The following DIP2C variants were observed in gnomAD, a reference collection of about 807,000 sequenced individuals.
DIP2C encodes the protein DIP2 acetate--CoA ligase C (putative).
In DIP2C, 33 loss-of-function variants were observed where a neutral mutation model predicts 192.4. The observed-to-expected ratio is 0.17, with a 90% CI of 0.13 to 0.23. The LOEUF (loss-of-function observed/expected upper bound fraction) is 0.23, where lower values mean the gene tolerates loss of function less well. DIP2C is among the 10% of genes least tolerant of loss of function. The probability of loss-of-function intolerance (pLI) is 1.00; values close to 1 mark genes in which losing one functional copy is unlikely to be tolerated. For missense variants in DIP2C, 1,537 were observed against 2,110.1 expected (o/e 0.73, Z 5.32); for synonymous variants, 979 against 864.1 (o/e 1.13, Z -2.33).
In DIP2C at chr10:535,788, G is replaced by A. The variant is rs1470683577; in HGVS notation, c.86-49258C>T. Among the ~76,000 whole-genome samples, 3 of 152,196 alleles carry A rather than the reference G, an allele frequency of 2.0e-5. No individual in the cohort carries two copies. The East Asian group carries it at 5.8e-4, about 29-fold the overall frequency. On this transcript the variant is annotated intron_variant, in intron 1 of 36. Coordinates refer to ENST00000280886, the MANE Select transcript of DIP2C (RefSeq NM_014974.3). ...AGGGAGCCTATAGGTTTGGTTCAAA[G>A]AATTATTGGTGTTAACTCCAGGAAA...
In DIP2C at chr10:417,728, G is replaced by GTCAGGGCGCGGACAGGCCTCCCTGTCCA. The variant is rs1564685029; in HGVS notation, c.739+1336_739+1337insTGGACAGGGAGGCCTGTCCGCGCCCTGA. Among the ~76,000 whole-genome samples the GTCAGGGCGCGGACAGGCCTCCCTGTCCA allele has an allele frequency of 1.8e-5, 2 of 109,712 alleles. 1 individual carries two copies. The highest frequency in any genetic ancestry group is 3.8e-5 in the Non-Finnish European group (2 of 52,262). 72.0% of individuals were successfully genotyped at this position (109,712 alleles called of 152,430 possible). On this transcript the variant is annotated intron_variant, in intron 6 of 36. Transcript: ENST00000280886. The stretch of plus-strand genomic sequence containing the variant: ...TCGGCTCAAATAGGCCTCCCTGTCT[G>GTCAGGGCGCGGACAGGCCTCCCTGTCCA]CCTGCGCCTGTCAGGGCTCGGATAG...
chr10:286,639 T>C (rs1484918781), intron 33 of DIP2C, among the ~76,000 whole-genome samples: 2 of 152,176 alleles, frequency 1.3e-5, no homozygotes, highest in Admixed American at 6.5e-5. Flanking sequence ...GAGAAATCTA[T>C]TGAAAATCAT....
intron 31 of DIP2C, among the ~76,000 whole-genome samples, chr10:318,013 C>T (rs912155621): frequency 6.6e-6 from 1 of 152,146 alleles, no homozygotes; most frequent in Non-Finnish European, 1.5e-5. Flanking sequence ...CCAGAGGCTT[C>T]GGCTTGTCTC....
intron 1 of DIP2C, among the ~76,000 whole-genome samples, chr10:648,696 T>C (rs917719060): frequency 2.1e-5 from 3 of 144,758 alleles, no homozygotes; most frequent in Non-Finnish European, 3.0e-5. Flanking sequence ...CACGTCCACA[T>C]TGGACGGTAG....
At chr10:564,817 CAT>C (rs1362234851) in intron 1 of DIP2C, among the ~76,000 whole-genome samples, 14 of 152,304 alleles carry the variant, frequency 9.2e-5, no homozygotes, top group Admixed American at 6.5e-4. Flanking sequence ...GAAAAAAACA[CAT>C]AACACGTGAG....
intron 3 of DIP2C, among the ~76,000 whole-genome samples, chr10:463,094 GA>G (rs765709108): frequency 1.1e-4 from 16 of 152,144 alleles, no homozygotes; most frequent in Non-Finnish European, 1.9e-4. Context: ...GCATTACTTT[GA>G]AAACTGGCAC....
intron 1 of DIP2C, among the ~76,000 whole-genome samples, chr10:641,995 C>G (rs968764584): frequency 6.6e-6 from 1 of 152,092 alleles, no homozygotes; most frequent in South Asian, 2.1e-4. Flanking sequence ...TGCACTCCAG[C>G]CTGGGCAACA....
At chr10:681,418 A>G (rs1231687774) in intron 1 of DIP2C, among the ~76,000 whole-genome samples, 1 of 149,206 alleles carries the variant, frequency 6.7e-6, no homozygotes, top group Non-Finnish European at 1.5e-5. Context: ...AGGAATGCAG[A>G]CCCTCAGTCA....
At chr10:650,942 C>T in intron 1 of DIP2C, 1 of 717,510 alleles carries the variant, frequency 1.4e-6, no homozygotes, top group Non-Finnish European at 2.6e-6. Context: ...CGAGGCTACA[C>T]AGCTCTGGCT....
intron 4 of DIP2C, among the ~76,000 whole-genome samples, chr10:424,427 G>A (rs925028602): frequency 2.0e-4 from 28 of 138,382 alleles, no homozygotes; most frequent in Non-Finnish European, 3.5e-4. Flanking sequence ...GAGCAGTGGC[G>A]CGATCTCAGC....
At position 483,349 on chromosome 10, in the gene DIP2C, G is replaced by A. The variant is rs571053785; in HGVS notation, c.157+3110C>T. Among the ~76,000 whole-genome samples, 5 of 152,300 alleles carry A rather than the reference G, an allele frequency of 3.3e-5. No individual in the cohort carries two copies. In the East Asian group the frequency reaches 9.6e-4, roughly 29 times the overall value. ...GCACAAAGGAAGTCACGTCCCATGG[G>A]GCCAACCAAGAAAGCAGCCTCGGCT... is the stretch of plus-strand genomic sequence containing the variant. On this transcript the variant is annotated intron_variant, in intron 2 of 36. Transcript: ENST00000280886.
chr10:422,257 C>T (rs989830263), intron 5 of DIP2C, among the ~76,000 whole-genome samples: 3 of 152,194 alleles, frequency 2.0e-5, no homozygotes, highest in Admixed American at 6.5e-5. Flanking sequence ...GGCCCATCAC[C>T]GCTCCCCACG....
intron 1 of DIP2C, among the ~76,000 whole-genome samples, chr10:688,059 C>T (rs149850419): frequency 1.4e-4 from 22 of 152,334 alleles, no homozygotes; most frequent in African/African-American, 5.1e-4. Context: ...AATCAGATAA[C>T]CAGGGTGGGC....
intron 1 of DIP2C, among the ~76,000 whole-genome samples, chr10:614,136 G>A (rs1853284645): frequency 6.6e-6 from 1 of 152,200 alleles, no homozygotes; most frequent in African/African-American, 2.4e-5. Context: ...TCTTTGCCAT[G>A]CACACATGGA....
intron 1 of DIP2C, among the ~76,000 whole-genome samples, chr10:529,145 G>GCCATCTCATGGCCC (rs1847233003): frequency 6.6e-6 from 1 of 152,160 alleles, no homozygotes; most frequent in South Asian, 2.1e-4. Flanking sequence ...ATTCTTCTAG[G>GCCATCTCATGGCCC]CCATCTCATG....
chr10:422,874 C>T lies in DIP2C; in HGVS notation c.554G>A (p.Gly185Asp). 2.5e-6 allele frequency: 4 copies of T among 1,613,374 alleles called. No homozygotes were observed. Among genetic ancestry groups the T allele is most frequent in the Non-Finnish European group, 3.4e-6 (4 of 1,180,002 alleles). ...CGCCAGCCTGTGGGCAGCCCCGCTGCCCCCGCTCTGCGTAGAGGACGAGGA... is the reference window on the plus strand; with the variant it reads ...CGCCAGCCTGTGGGCAGCCCCGCTGTCCCCGCTCTGCGTAGAGGACGAGGA... ...TTSSSSTQSG[G>D]SGAAHRLADV... The change falls in exon 5 of 37, where the codon GGC (glycine) becomes GAC (aspartate). Residue 185 changes from glycine (G) to aspartate (D), a missense_variant. Gly to Asp is a moderately conservative substitution (Grantham distance 94, BLOSUM62 -1). This residue lies in a region of DIP2C where 473 missense variants were observed against 539.6 expected (regional missense o/e 0.88). Transcript: ENST00000280886.
rs1417598790 is a variant in DIP2C at position 449,934 on chromosome 10, AAAG to A, written c.269-8941_269-8939del. 9.4e-4 allele frequency among the ~76,000 whole-genome samples: 137 copies of A among 146,048 alleles called. 1 individual carries two copies. The highest frequency in any genetic ancestry group is 3.6e-3 in the African/African-American group (130 of 35,840). ...GTCAACAACAACAAAAAAAAAAAAA[AAAG>A]AAAATCTGAGAACAAGATATCATTG... On this transcript the variant is annotated intron_variant, in intron 3 of 36. Transcript: ENST00000280886.
intron 4 of DIP2C, among the ~76,000 whole-genome samples, chr10:439,426 A>G (rs928543168): frequency 3.6e-5 from 5 of 139,208 alleles, no homozygotes; most frequent in Non-Finnish European, 7.4e-5. Context: ...ATGAAAAACA[A>G]CAACAACATA....
intron 3 of DIP2C, among the ~76,000 whole-genome samples, chr10:470,088 T>C (rs1226672263): frequency 2.0e-5 from 3 of 152,056 alleles, no homozygotes; most frequent in Non-Finnish European, 4.4e-5. Flanking sequence ...AAATGGATGC[T>C]TGATAGGTAA....
Sources: gnomAD v4.1 joint callset for allele counts (sites outside exome capture counted in the v4.1 genomes callset) on GRCh38, gnomAD v4.1.1 for gene constraint, gnomAD v4.1.1 regional missense constraint, MANE v1.5 for transcripts, NCBI Gene and HGNC (gene_info 2026-07-23, HGNC 2026-07-21) for gene names.